DYRK4: variants seen among roughly 807,000 people sequenced by gnomAD.
DYRK4 encodes the protein dual specificity tyrosine phosphorylation regulated kinase 4, also known as dual specificity tyrosine-phosphorylation-regulated kinase 4.
A neutral mutation model predicts 68.3 loss-of-function variants in DYRK4; 64 were observed. The ratio of observed to expected loss-of-function variants is 0.94; its 90% CI spans 0.77 to 1.15. DYRK4 has a LOEUF of 1.15. Ranked by LOEUF, DYRK4 falls within the 50% of genes most tolerant of loss-of-function variation. The pLI, the probability that DYRK4 is intolerant of heterozygous loss-of-function variation, is 0.00. For synonymous variants in DYRK4, 274 were observed against 289.9 expected, an observed-to-expected ratio of 0.95 and a Z score of 0.56; for missense variants, 740 against 764.7, an observed-to-expected ratio of 0.97 and a Z score of 0.38.
rs564096641 is a variant in DYRK4, at chr12:4,591,372, G to A, written c.463+74G>A. On this transcript the variant is annotated intron_variant, in intron 5 of 14. Coordinates refer to ENST00000543431, the MANE Select transcript of DYRK4 (RefSeq NM_001394779.1). The surrounding 1 kb of genome is among the most constrained non-coding windows in gnomAD (Gnocchi z 4.1). The stretch of plus-strand genomic sequence containing the variant: ...GGGGTGTTAAGAGCTAAGCTGCGCT[G>A]GAGTGAGCTAAGCTGCCAGGTGTCA... The A allele has an allele frequency of 3.0e-5, 46 of 1,553,692 alleles. No individual in the cohort carries two copies. The African/African-American group carries it at 5.5e-4, about 18-fold the overall frequency.
At chr12:4,597,147 G>A in intron 8 of DYRK4, 1 of 1,045,156 alleles carries the variant, frequency 9.6e-7, no homozygotes, top group Non-Finnish European at 1.1e-6. Flanking sequence ...AATGGGTTTT[G>A]ATTTTGAGTA....
chr12:4,603,661 C>T (rs1945107148), intron 10 of DYRK4, among the ~76,000 whole-genome samples: 1 of 152,212 alleles, frequency 6.6e-6, no homozygotes, highest in Admixed American at 6.5e-5. Context: ...TCCATCTGGG[C>T]CTCTCTGGCA....
chr12:4,568,720 C>T (rs928604387), intron 2 of DYRK4, among the ~76,000 whole-genome samples: 9 of 152,178 alleles, frequency 5.9e-5, no homozygotes, highest in Admixed American at 5.9e-4. Context: ...GACATGGTGT[C>T]TTTCCTTTCA....
At position 4,612,564 on chromosome 12, in the gene DYRK4, G is replaced by A. The variant is rs777057114; in HGVS notation, c.1512G>A (p.Met504Ile). The change falls in exon 14 of 15, where the codon ATG (methionine) becomes ATA (isoleucine). Residue 504 changes from methionine to isoleucine, a missense_variant. Met to Ile is a conservative substitution (Grantham distance 10). Coordinates refer to ENST00000543431, the MANE Select transcript of DYRK4 (RefSeq NM_001394779.1). ...GCAGATGGGAACCTTCTCTTCGCAT[G>A]ACCCCGGACCAGGCCCTCAAGCATG... The part of the protein sequence containing the change: ...RCLVWEPSLR[M>I]TPDQALKHAW... 7.4e-6 allele frequency: 12 copies of A among 1,613,976 alleles called. No homozygotes were observed. The highest frequency in any genetic ancestry group is 3.4e-6 in the Non-Finnish European group (4 of 1,179,968).
intron 2 of DYRK4, among the ~76,000 whole-genome samples, chr12:4,574,552 C>A (rs1029511342): frequency 2.0e-5 from 3 of 152,172 alleles, no homozygotes; most frequent in Admixed American, 2.0e-4. Context: ...TTGATCATTA[C>A]CTGTGCCCCG....
At chr12:4,582,546 C>T (rs1944854613) in intron 2 of DYRK4, among the ~76,000 whole-genome samples, 3 of 151,976 alleles carry the variant, frequency 2.0e-5, no homozygotes, top group African/African-American at 7.2e-5. Context: ...CAAGCCTTTG[C>T]AGGTGCTGTA....
intron 2 of DYRK4, among the ~76,000 whole-genome samples, chr12:4,569,166 G>T (rs901580383): frequency 6.6e-6 from 1 of 152,108 alleles, no homozygotes; most frequent in Non-Finnish European, 1.5e-5. Flanking sequence ...AAAGTCCTTT[G>T]CTCCACCCCA....
chr12:4,596,335 G>A, intron 7 of DYRK4, 50 bp downstream of exon 7: 1 of 1,608,788 alleles, frequency 6.2e-7, no homozygotes, highest in Non-Finnish European at 8.5e-7. Context: ...GCGTGACTGT[G>A]GCCCCTGCAG....
intron 3 of DYRK4, 107 bp from the exon 4 acceptor site, chr12:4,590,223 A>G: frequency 6.9e-7 from 1 of 1,446,492 alleles, no homozygotes; most frequent in Non-Finnish European, 9.0e-7. Context: ...GATTGGGGTT[A>G]GGCTCATTCT....
At chr12:4,600,734 G>A (rs753685673) in intron 10 of DYRK4, among the ~76,000 whole-genome samples, 4 of 151,808 alleles carry the variant, frequency 2.6e-5, no homozygotes, top group East Asian at 1.9e-4. Flanking sequence ...TTGGGGGCAC[G>A]CCACCCTCCC....
chr12:4,604,818 CGG>C, intron 10 of DYRK4, 94 bp from the exon 11 acceptor site: 6 of 1,405,338 alleles, frequency 4.3e-6, no homozygotes, highest in Non-Finnish European at 5.6e-6. Context: ...TCACTGCCAG[CGG>C]GGGCGCAGTC....
Position 4,613,080 on chromosome 12 carries a change from T to TGAA in DYRK4, c.1666+362_1666+363insGAA, listed in dbSNP as rs1428177287. 1.3e-5 allele frequency among the ~76,000 whole-genome samples: 2 copies of TGAA among 152,344 alleles called. No individual in the cohort carries two copies. The highest frequency in any genetic ancestry group is 1.5e-5 in the Non-Finnish European group (1 of 68,026). Reference sequence around the variant, plus strand: ...TCCTTTCTCCTCCTCCCTTTTTCATTAACTGCGTCCACCCCTTTATGCCCT... The same window carrying TGAA: ...TCCTTTCTCCTCCTCCCTTTTTCATTGAAAACTGCGTCCACCCCTTTATGCCCT... On this transcript the variant is annotated intron_variant, in intron 14 of 14. Transcript: ENST00000543431. This position sits in a 1 kb window ranked among gnomAD's most constrained non-coding sequence, Gnocchi z 4.0.
chr12:4,588,413 G>A (rs754583110), intron 2 of DYRK4, among the ~76,000 whole-genome samples: 4 of 152,188 alleles, frequency 2.6e-5, no homozygotes, highest in Non-Finnish European at 5.9e-5. Flanking sequence ...GCCGCCCTCT[G>A]GGACACACTG....
chr12:4,610,268 C>T lies in DYRK4; in HGVS notation c.1474C>T (p.Leu492Phe), dbSNP rs1390587827. 3 of 1,576,986 alleles carry T rather than the reference C, an allele frequency of 1.9e-6. No homozygotes were observed. In the African/African-American group the frequency reaches 4.1e-5, roughly 22 times the overall value. The change falls in exon 13 of 15, where the codon CTC becomes TTC. Residue 492 changes from leucine (L) to phenylalanine (F), a missense_variant. This residue lies in a region of DYRK4 where 614 missense variants were observed against 603.7 expected (regional missense o/e 1.02). Coordinates refer to ENST00000543431, the MANE Select transcript of DYRK4 (RefSeq NM_001394779.1). ...KTYDTSFLDFLRRCLVWEPSL... is the reference protein window; with the variant it reads ...KTYDTSFLDFFRRCLVWEPSL... ...CTATGACACCAGCTTCCTGGACTTT[C>T]TCAGAAGGTGTTTGGTGTGAGTTTG...
In DYRK4 at chr12:4,590,556, T is replaced by A; in HGVS notation, c.324+116T>A. 4.8e-6 allele frequency: 7 copies of A among 1,465,456 alleles called. 1 individual carries two copies. The South Asian group carries it at 1.0e-4, about 21-fold the overall frequency. The allele number at this position is 1,465,456 out of a possible 1,614,324, so 90.8% of individuals were successfully genotyped here. ...AAAAGCACAGTAGCTGCTGAAGAGGTGGGTTCTAGTCCTGTTCTCATTCTT... is the reference window on the plus strand; with the variant it reads ...AAAAGCACAGTAGCTGCTGAAGAGGAGGGTTCTAGTCCTGTTCTCATTCTT... On this transcript the variant is annotated intron_variant, in intron 4 of 14. Transcript: ENST00000543431.
intron 4 of DYRK4, chr12:4,590,652 G>A: frequency 9.7e-7 from 1 of 1,034,222 alleles, no homozygotes; most frequent in Non-Finnish European, 1.3e-6. Context: ...CCTCTCTAGA[G>A]CTGTCAGGAG....
intron 8 of DYRK4, among the ~76,000 whole-genome samples, chr12:4,598,763 T>C (rs888192108): frequency 1.2e-4 from 19 of 152,288 alleles, no homozygotes; most frequent in Admixed American, 1.2e-3. Flanking sequence ...GCCAACCTCT[T>C]AACCCGCCTG....
intron 6 of DYRK4, 85 bp from the exon 7 acceptor site, chr12:4,596,064 C>A: frequency 6.9e-7 from 1 of 1,459,134 alleles, no homozygotes; most frequent in Non-Finnish European, 9.4e-7. Context: ...GAGCCATAAT[C>A]TGGGGATGGG....
At chr12:4,598,968 CA>C in intron 8 of DYRK4, 59 bp from the exon 9 acceptor site, 1 of 1,593,086 alleles carries the variant, frequency 6.3e-7, no homozygotes, top group Non-Finnish European at 8.6e-7. Context: ...TTTGCAGGTT[CA>C]AACTCAGCCT....
Sources: gnomAD v4.1 joint callset for allele counts (sites outside exome capture counted in the v4.1 genomes callset) on GRCh38, gnomAD v4.1.1 for gene constraint, gnomAD v4.1.1 regional missense constraint, Gnocchi (gnomAD v3.1) non-coding constraint, MANE v1.5 for transcripts, NCBI Gene and HGNC (gene_info 2026-07-23, HGNC 2026-07-21) for gene names.